RALGAPB: variants seen among roughly 807,000 people sequenced by gnomAD.
RALGAPB encodes ral GTPase-activating protein subunit beta.
Under a neutral mutation model 161.1 loss-of-function variants are expected in RALGAPB, and 25 were observed. The ratio of observed to expected loss-of-function variants is 0.16; its 90% CI spans 0.11 to 0.22. The LOEUF (loss-of-function observed/expected upper bound fraction) is 0.22. Among genes scored for constraint, RALGAPB ranks in the 10% least tolerant of loss-of-function variants. RALGAPB has a pLI of 1.00. For missense variants in RALGAPB, 1,391 were observed against 1,815.2 expected (o/e 0.77, Z 4.25); for synonymous variants, 629 against 626.1 (o/e 1.00, Z -0.07).
intron 16 of RALGAPB, among the ~76,000 whole-genome samples, chr20:38,539,240 G>A (rs1474442657): frequency 1.3e-5 from 2 of 152,156 alleles, no homozygotes; most frequent in East Asian, 1.9e-4. Context: ...TTAGGGAGAG[G>A]GGCAAAGAGG....
rs537525172 is a variant in RALGAPB, at chr20:38,548,890, T to G, written c.3009+95T>G. ...GAAGACACAGATCAAATAAATATTT[T>G]TGATCCCTAGCCAGATTCTCAGTCA... On this transcript the variant is annotated intron_variant, in intron 20 of 29. Transcript: ENST00000262879. 50 of 1,079,098 alleles carry G rather than the reference T, an allele frequency of 4.6e-5. No individual in the cohort carries two copies. In the African/African-American group the frequency reaches 6.4e-4, roughly 14 times the overall value. 66.8% of individuals were successfully genotyped at this position (1,079,098 alleles called of 1,614,324 possible).
rs1463742325 is a variant in RALGAPB, at chr20:38,521,378, G to T, written c.1418-119G>T. ...ATTAAGACATAGTTGCTAAACAAAA[G>T]CACTTATTGGATTCAAGTAGCTATT... On this transcript the variant is annotated intron_variant, in intron 9 of 29. Transcript: ENST00000262879. 4.8e-6 allele frequency: 7 copies of T among 1,462,304 alleles called. No individual in the cohort carries two copies. The East Asian group carries it at 1.7e-4, about 35-fold the overall frequency. 90.6% of individuals were successfully genotyped at this position (1,462,304 alleles called of 1,614,324 possible). A position where few individuals can be genotyped will look rare whatever the true frequency, so the allele number is the denominator to read the frequency against.
intron 19 of RALGAPB, chr20:38,546,801 A>G (rs745822634): frequency 9.8e-5 from 19 of 194,062 alleles, no homozygotes; most frequent in Non-Finnish European, 1.8e-4. Flanking sequence ...GGTGCTACCT[A>G]CACAGGCTAG....
intron 22 of RALGAPB, among the ~76,000 whole-genome samples, chr20:38,556,109 A>G (rs1408492135): frequency 1.3e-5 from 2 of 152,208 alleles, no homozygotes; most frequent in South Asian, 2.1e-4. Flanking sequence ...AGCCAGCACT[A>G]CTAGTGTAGG....
intron 19 of RALGAPB, chr20:38,546,737 A>C (rs2087177857): frequency 6.4e-6 from 2 of 310,790 alleles, no homozygotes; most frequent in Non-Finnish European, 6.1e-6. Flanking sequence ...TGAACTTCGG[A>C]TCCTGCCCCT....
At chr20:38,473,590 T>G (rs1419359949) in intron 1 of RALGAPB, among the ~76,000 whole-genome samples, 1 of 152,198 alleles carries the variant, frequency 6.6e-6, no homozygotes, top group African/African-American at 2.4e-5. Flanking sequence ...GAGGTAGGAT[T>G]GTTGTCCCCA....
In RALGAPB at chr20:38,575,109, T is replaced by G; in HGVS notation, c.*142T>G. 1.4e-6 allele frequency: 1 copy of G among 721,964 alleles called. No individual in the cohort carries two copies. The highest frequency in any genetic ancestry group is 2.9e-5 in the Admixed American group (1 of 34,638). The allele number at this position is 721,964 out of a possible 1,614,324, so 44.7% of individuals were successfully genotyped here. Reference sequence around the variant, plus strand: ...AATCACCAGAATAGAAGAAACACATTATAACCCATTTGATAGAAGACTTTG... The same window carrying G: ...AATCACCAGAATAGAAGAAACACATGATAACCCATTTGATAGAAGACTTTG... On this transcript the variant is annotated 3_prime_UTR_variant, in exon 30 of 30. Transcript: ENST00000262879.
intron 28 of RALGAPB, among the ~76,000 whole-genome samples, chr20:38,572,655 C>A (rs1287713330): frequency 6.6e-6 from 1 of 152,168 alleles, no homozygotes; most frequent in Non-Finnish European, 1.5e-5. Context: ...TCATTTTAAA[C>A]TTCTAAAAGA....
In RALGAPB at chr20:38,576,390, G is replaced by T. The variant is rs1320118487; in HGVS notation, c.*1423G>T. On this transcript the variant is annotated 3_prime_UTR_variant, in exon 30 of 30. Coordinates refer to ENST00000262879, the MANE Select transcript of RALGAPB (RefSeq NM_020336.4). Reference sequence around the variant, plus strand: ...TTGATGTTTTGGTGGTTTACTTACGGAGTGGGGATAGTGTGAGACCTAATT... The same window carrying T: ...TTGATGTTTTGGTGGTTTACTTACGTAGTGGGGATAGTGTGAGACCTAATT... 1 of 152,640 alleles carries T rather than the reference G, an allele frequency of 6.6e-6. No individual in the cohort carries two copies. Among genetic ancestry groups the T allele is most frequent in the Non-Finnish European group, 1.5e-5 (1 of 68,042 alleles). 9.5% of individuals were successfully genotyped at this position (152,640 alleles called of 1,614,324 possible).
At chr20:38,478,481 C>T (rs879788515) in intron 1 of RALGAPB, among the ~76,000 whole-genome samples, 30 of 152,214 alleles carry the variant, frequency 2.0e-4, no homozygotes, top group Middle Eastern at 6.8e-3. Context: ...AGTGCAGTGG[C>T]GTGATCTCAG....
intron 1 of RALGAPB, among the ~76,000 whole-genome samples, chr20:38,482,726 G>A (rs534098139): frequency 2.0e-5 from 3 of 152,234 alleles, no homozygotes; most frequent in East Asian, 1.9e-4. Context: ...ACCGCGTCTG[G>A]TGTATGTGTT....
chr20:38,521,517 A>G lies in RALGAPB; in HGVS notation c.1438A>G (p.Met480Val), dbSNP rs748572818. Residue 480 changes from methionine to valine, a missense_variant, in exon 10 of 30, where the codon ATG becomes GTG. By Grantham distance (21) the Met-to-Val change is conservative. This residue lies in a region of RALGAPB where 946 missense variants were observed against 1,257.2 expected (regional missense o/e 0.75). Coordinates refer to ENST00000262879, the MANE Select transcript of RALGAPB (RefSeq NM_020336.4). Reference protein sequence around the residue: ...SMTAITTQASMEFRRKGSQMS... With the variant: ...SMTAITTQASVEFRRKGSQMS... ...CCCAGCCATTACAACACAAGCTAGC[A>G]TGGAGTTTCGACGGAAAGGGTCACA... 3 of 1,614,178 alleles carry G rather than the reference A, an allele frequency of 1.9e-6. No individual in the cohort carries two copies. The South Asian group carries it at 3.3e-5, about 18-fold the overall frequency.
At chr20:38,475,379 C>T (rs1230970836) in intron 1 of RALGAPB, among the ~76,000 whole-genome samples, 1 of 152,200 alleles carries the variant, frequency 6.6e-6, no homozygotes, top group African/African-American at 2.4e-5. Context: ...AATGCCTGAA[C>T]TGCCATTGCC....
At chr20:38,514,078 G>A (rs949803172) in intron 6 of RALGAPB, among the ~76,000 whole-genome samples, 1 of 152,152 alleles carries the variant, frequency 6.6e-6, no homozygotes, top group Non-Finnish European at 1.5e-5. Flanking sequence ...GCAAAAAGAG[G>A]AGCCAACTTA....
At chr20:38,570,924 A>G (rs1472363827) in intron 28 of RALGAPB, 77 bp downstream of exon 28, 4 of 990,716 alleles carry the variant, frequency 4.0e-6, no homozygotes, top group Non-Finnish European at 6.1e-6. Context: ...ATAAGGAATT[A>G]TGAAACGAAA....
rs1375937030 is a variant in RALGAPB at position 38,502,287 on chromosome 20, C to G, written c.740+2654C>G. ...AGTGTATCTCAGTAAAAAGTGATGT[C>G]TCAGTTTTCATTTATTTTTCGTCAT... On this transcript the variant is annotated intron_variant, in intron 5 of 29. Transcript: ENST00000262879. Among the ~76,000 whole-genome samples, 4 of 152,062 alleles carry G rather than the reference C, an allele frequency of 2.6e-5. No homozygotes were observed. In the East Asian group the frequency reaches 7.7e-4, roughly 29 times the overall value.
Position 38,574,152 on chromosome 20 carries a change from C to A in RALGAPB, c.4145C>A (p.Ser1382Tyr), listed in dbSNP as rs781571875. ...GATAACAATTTTCTTTTCTTAAGAT[C>A]TACAACTCTTGAAAAAGAAGTTCCT... Reference protein sequence around the residue: ...TTANSSTSLRSTTLEKEVPVI... With the variant: ...TTANSSTSLRYTTLEKEVPVI... Residue 1382 changes from serine (S) to tyrosine (Y), a missense_variant and splice_region_variant, in exon 29 of 30, where the codon TCT becomes TAT. This residue lies in a region of RALGAPB where 436 missense variants were observed against 527.0 expected (regional missense o/e 0.83). Coordinates refer to ENST00000262879, the MANE Select transcript of RALGAPB (RefSeq NM_020336.4). 2 of 1,605,950 alleles carry A rather than the reference C, an allele frequency of 1.2e-6. No individual in the cohort carries two copies. The highest frequency in any genetic ancestry group is 2.7e-5 in the African/African-American group (2 of 74,182).
intron 29 of RALGAPB, 60 bp downstream of exon 29, chr20:38,574,358 A>G: frequency 6.7e-7 from 1 of 1,500,260 alleles, no homozygotes; most frequent in Non-Finnish European, 8.9e-7. Flanking sequence ...ATTTTTATAA[A>G]CCAAAAAGAA....
rs2087164038 is a variant in RALGAPB, at chr20:38,546,380, A to G, written c.2852A>G (p.Asp951Gly). Residue 951 changes from aspartate (D) to glycine (G), a missense_variant, in exon 19 of 30, where the codon GAT becomes GGT. By Grantham distance (94) the Asp-to-Gly change is moderately conservative (BLOSUM62 -1). Transcript: ENST00000262879. ...NKHSFRYFVL[D>G]NSVILAMLEQ... ...CATAGTTTCCGGTACTTTGTCTTGG[A>G]TAACAGTGTCATCCTGGCAATGCTG... 2 of 1,614,108 alleles carry G rather than the reference A, an allele frequency of 1.2e-6. No individual in the cohort carries two copies. Among genetic ancestry groups the G allele is most frequent in the Non-Finnish European group, 1.7e-6 (2 of 1,179,994 alleles).
Sources: gnomAD v4.1 joint callset for allele counts (sites outside exome capture counted in the v4.1 genomes callset) on GRCh38, gnomAD v4.1.1 for gene constraint, gnomAD v4.1.1 regional missense constraint, MANE v1.5 for transcripts, NCBI Gene and HGNC (gene_info 2026-07-23, HGNC 2026-07-21) for gene names.